Variants in LYRM2 observed in about 807,000 individuals in gnomAD.
LYRM2 encodes LYR motif containing 2.
A neutral mutation model predicts 11.6 loss-of-function variants in LYRM2; 8 were observed. The observed-to-expected ratio is 0.69, with a 90% CI of 0.40 to 1.24. LYRM2 has a LOEUF of 1.24. Ranked by LOEUF, LYRM2 falls within the 50% of genes most tolerant of loss-of-function variation. The pLI, the probability that LYRM2 is intolerant of heterozygous loss-of-function variation, is 0.01. For synonymous variants in LYRM2, 30 were observed against 36.4 expected (o/e 0.83, Z 0.63); for missense variants, 117 against 102.9 (o/e 1.14, Z -0.59).
rs1326028485 is a variant in LYRM2, at chr6:89,636,427, T to C, written c.*846A>G. 6.6e-6 allele frequency: 1 copy of C among 152,190 alleles called. No homozygotes were observed. The highest frequency in any genetic ancestry group is 1.5e-5 in the Non-Finnish European group (1 of 68,044). The allele number at this position is 152,190 out of a possible 1,614,324, so 9.4% of individuals were successfully genotyped here. Reference sequence around the variant, plus strand: ...TAACGTTTTCAAGGTTTATCCATGTTTAGTATATATAAGTCCTTCGTTTCT... The same window carrying C: ...TAACGTTTTCAAGGTTTATCCATGTCTAGTATATATAAGTCCTTCGTTTCT... On this transcript the variant is annotated 3_prime_UTR_variant, in exon 3 of 3. Transcript: ENST00000523377.
chr6:89,635,023 T>G lies in LYRM2; in HGVS notation c.*2250A>C, dbSNP rs1807953031. ...CCTCAGCCTCCCAAAGTGTGTGGAT[T>G]ACTTGTGTAAGCCACAGTGCCCGGC... is the stretch of plus-strand genomic sequence containing the variant. On this transcript the variant is annotated 3_prime_UTR_variant, in exon 3 of 3. Transcript: ENST00000523377. 1.3e-5 allele frequency: 2 copies of G among 151,196 alleles called. No homozygotes were observed. The allele number at this position is 151,196 out of a possible 1,614,324, so 9.4% of individuals were successfully genotyped here.
At chr6:89,638,510 G>A in intron 1 of LYRM2, 162 bp downstream of exon 1, 1 of 1,535,232 alleles carries the variant, frequency 6.5e-7, no homozygotes, top group Non-Finnish European at 8.8e-7. Context: ...CTCCCGTCAG[G>A]CCCCGCGGAG....
In LYRM2 at chr6:89,633,046, A is replaced by G. The variant is rs1400739828; in HGVS notation, c.*4227T>C. On this transcript the variant is annotated 3_prime_UTR_variant, in exon 3 of 3. Coordinates refer to ENST00000523377, the MANE Select transcript of LYRM2 (RefSeq NM_020466.5). ...GACCATAGAGTGCTTTGGTGGGAGTATTTTGATTACCTCCTACCCATCAGA... is the reference window on the plus strand; with the variant it reads ...GACCATAGAGTGCTTTGGTGGGAGTGTTTTGATTACCTCCTACCCATCAGA... The G allele has an allele frequency of 6.6e-6, 1 of 152,208 alleles. No individual in the cohort carries two copies. Among genetic ancestry groups the G allele is most frequent in the Non-Finnish European group, 1.5e-5 (1 of 68,030 alleles). The allele number at this position is 152,208 out of a possible 1,614,324, so 9.4% of individuals were successfully genotyped here. A position where few individuals can be genotyped will look rare whatever the true frequency, so the allele number is the denominator to read the frequency against.
Position 89,637,867 on chromosome 6 carries a change from G to T in LYRM2, c.61C>A (p.Gln21Lys). The change falls in exon 2 of 3, where the codon CAA (glutamine) becomes AAA (lysine). Residue 21 changes from glutamine to lysine, a missense_variant. Physicochemically the swap from Gln to Lys is moderately conservative, Grantham distance 53. Transcript: ENST00000523377. ...ATCCTTCTGTAGAGGAGAAGAACTTGTTGCCTTCTTACGAACTGTAAAAGG... is the reference window on the plus strand; with the variant it reads ...ATCCTTCTGTAGAGGAGAAGAACTTTTTGCCTTCTTACGAACTGTAAAAGG... ...LTLKQFVRRQ[Q>K]VLLLYRRILQ... 1 of 1,613,770 alleles carries T rather than the reference G, an allele frequency of 6.2e-7. No individual in the cohort carries two copies. Among genetic ancestry groups the T allele is most frequent in the Non-Finnish European group, 8.5e-7 (1 of 1,179,846 alleles).
In LYRM2 at chr6:89,636,517, A is replaced by ATCTT. The variant is rs1808008323; in HGVS notation, c.*752_*755dup. 1 of 152,164 alleles carries ATCTT rather than the reference A, an allele frequency of 6.6e-6. No homozygotes were observed. The highest frequency in any genetic ancestry group is 1.5e-5 in the Non-Finnish European group (1 of 68,048). 9.4% of individuals were successfully genotyped at this position (152,164 alleles called of 1,614,324 possible). ...TGCTAACTCATACAGCAGCTGTTTC[A>ATCTT]TCTTTTGAGGAACTGACCGTCTGTT... On this transcript the variant is annotated 3_prime_UTR_variant, in exon 3 of 3. Coordinates refer to ENST00000523377, the MANE Select transcript of LYRM2 (RefSeq NM_020466.5).
At chr6:89,638,588 C>T (rs1808087696) in intron 1 of LYRM2, 84 bp downstream of exon 1, 2 of 1,605,912 alleles carry the variant, frequency 1.2e-6, no homozygotes, top group Non-Finnish European at 1.7e-6. Context: ...GACCCCGGAA[C>T]CCGCCCCGTT....
At chr6:89,637,689 C>T (rs773644699) in intron 2 of LYRM2, 53 bp downstream of exon 2, 21 of 1,562,462 alleles carry the variant, frequency 1.3e-5, no homozygotes, top group Non-Finnish European at 1.7e-5. Flanking sequence ...AAAAAAAATT[C>T]ACTGATCAAT....
In LYRM2 at chr6:89,632,515, C is replaced by G. The variant is rs778704353; in HGVS notation, c.*4758G>C. 1 of 152,144 alleles carries G rather than the reference C, an allele frequency of 6.6e-6. No individual in the cohort carries two copies. Among genetic ancestry groups the G allele is most frequent in the Non-Finnish European group, 1.5e-5 (1 of 68,050 alleles). 9.4% of individuals were successfully genotyped at this position (152,144 alleles called of 1,614,324 possible). A position where few individuals can be genotyped will look rare whatever the true frequency, so the allele number is the denominator to read the frequency against. On this transcript the variant is annotated 3_prime_UTR_variant, in exon 3 of 3. Transcript: ENST00000523377. ...CTCACTGCAGCCTTGGCCTCTCAGG[C>G]TCGTGATCCTCCTGCCTCAACCTCG... is the stretch of plus-strand genomic sequence containing the variant.
rs1315419624 is a variant in LYRM2, at chr6:89,635,868, A to T, written c.*1405T>A. On this transcript the variant is annotated 3_prime_UTR_variant, in exon 3 of 3. Transcript: ENST00000523377. ...TTTTACTACTTCCATGTGAATGTTA[A>T]GGTACTCACAGAGGTTTCATCCAGA... is the stretch of plus-strand genomic sequence containing the variant. The T allele has an allele frequency of 1.3e-5, 2 of 152,614 alleles. No individual in the cohort carries two copies. The highest frequency in any genetic ancestry group is 4.8e-5 in the African/African-American group (2 of 41,448). 9.5% of individuals were successfully genotyped at this position (152,614 alleles called of 1,614,324 possible).
In LYRM2 at chr6:89,633,034, T is replaced by C. The variant is rs912752934; in HGVS notation, c.*4239A>G. On this transcript the variant is annotated 3_prime_UTR_variant, in exon 3 of 3. Coordinates refer to ENST00000523377, the MANE Select transcript of LYRM2 (RefSeq NM_020466.5). ...GTATCAAGTCTAGACCATAGAGTGC[T>C]TTGGTGGGAGTATTTTGATTACCTC... 5 of 152,234 alleles carry C rather than the reference T, an allele frequency of 3.3e-5. No homozygotes were observed. Among genetic ancestry groups the C allele is most frequent in the Admixed American group, 2.0e-4 (3 of 15,280 alleles). 9.4% of individuals were successfully genotyped at this position (152,234 alleles called of 1,614,324 possible).
At position 89,637,750 on chromosome 6, in the gene LYRM2, T is replaced by A; in HGVS notation, c.178A>T (p.Thr60Ser). 6.2e-7 allele frequency: 1 copy of A among 1,614,022 alleles called. No individual in the cohort carries two copies. The highest frequency in any genetic ancestry group is 8.5e-7 in the Non-Finnish European group (1 of 1,179,910). ...CATGATTTTGTTCTCACCTCTTCGG[T>A]GGCACTTTTGTTTCTTCTGAATTCT... ...REEFRRNKSA[T>S]EEDTIRMMIT... The change falls in exon 2 of 3, where the codon ACC becomes TCC. Residue 60 changes from threonine (T) to serine (S), a missense_variant. By Grantham distance (58) the Thr-to-Ser change is moderately conservative. Coordinates refer to ENST00000523377, the MANE Select transcript of LYRM2 (RefSeq NM_020466.5).
chr6:89,638,678 T>A lies in LYRM2; in HGVS notation c.39A>T (p.Leu13Phe), dbSNP rs746334154. The A allele has an allele frequency of 6.2e-7, 1 of 1,614,116 alleles. No individual in the cohort carries two copies. Among genetic ancestry groups the A allele is most frequent in the South Asian group, 1.1e-5 (1 of 91,086 alleles). ...ASRLPPATLT[L>F]KQFVRRQQVL... ...GGCAGAGAACCGCCGGTACCTGCTTTAACGTTAGCGTCGCTGGGGGTAAGC... is the reference window on the plus strand; with the variant it reads ...GGCAGAGAACCGCCGGTACCTGCTTAAACGTTAGCGTCGCTGGGGGTAAGC... The change falls in exon 1 of 3, where the codon TTA becomes TTT. Residue 13 changes from leucine (L) to phenylalanine (F), a missense_variant. By Grantham distance (22) the Leu-to-Phe change is conservative (BLOSUM62 0). Transcript: ENST00000523377.
intron 1 of LYRM2, 49 bp from the exon 2 acceptor site, chr6:89,637,931 C>A: frequency 6.5e-7 from 1 of 1,536,576 alleles, no homozygotes; most frequent in Non-Finnish European, 8.9e-7. Context: ...AATCGCCAGC[C>A]TGGAAAGTTC....
chr6:89,638,180 T>C (rs1808068726), intron 1 of LYRM2: 1 of 736,408 alleles, frequency 1.4e-6, no homozygotes, highest in African/African-American at 1.8e-5. Flanking sequence ...CTCAAAAAGA[T>C]GTTTTAAAGA....
At position 89,636,698 on chromosome 6, in the gene LYRM2, T is replaced by TA. The variant is rs1554276516; in HGVS notation, c.*574dup. 8 of 151,264 alleles carry TA rather than the reference T, an allele frequency of 5.3e-5. No individual in the cohort carries two copies. Among genetic ancestry groups the TA allele is most frequent in the South Asian group, 4.2e-4 (2 of 4,772 alleles). 9.4% of individuals were successfully genotyped at this position (151,264 alleles called of 1,614,324 possible). ...CAGGGTTGTTTTTTTTTTTTTTTTT[T>TA]AGAGACTGTCTCACTCTGTCACCCA... is the stretch of plus-strand genomic sequence containing the variant. On this transcript the variant is annotated 3_prime_UTR_variant, in exon 3 of 3. Transcript: ENST00000523377.
chr6:89,635,166 TAGGA>T lies in LYRM2; in HGVS notation c.*2103_*2106del, dbSNP rs1807962160. 6.6e-6 allele frequency: 1 copy of T among 152,192 alleles called. No homozygotes were observed. The allele number at this position is 152,192 out of a possible 1,614,324, so 9.4% of individuals were successfully genotyped here. A position where few individuals can be genotyped will look rare whatever the true frequency, so the allele number is the denominator to read the frequency against. ...AAAACCTTTCCATGCACACCACTGT[TAGGA>T]AGAGCATCATTAAATCACTGACTTC... On this transcript the variant is annotated 3_prime_UTR_variant, in exon 3 of 3. Transcript: ENST00000523377.
rs1212309824 is a variant in LYRM2, at chr6:89,636,007, TATCA to T, written c.*1262_*1265del. The stretch of plus-strand genomic sequence containing the variant: ...GTGGTGATCTTTTTGATGAGTTCTC[TATCA>T]AACTATGACACATCTGAAGAACGTA... On this transcript the variant is annotated 3_prime_UTR_variant, in exon 3 of 3. Coordinates refer to ENST00000523377, the MANE Select transcript of LYRM2 (RefSeq NM_020466.5). 5.8e-6 allele frequency: 1 copy of T among 173,126 alleles called. No individual in the cohort carries two copies. Among genetic ancestry groups the T allele is most frequent in the Non-Finnish European group, 1.3e-5 (1 of 77,726 alleles). 10.7% of individuals were successfully genotyped at this position (173,126 alleles called of 1,614,324 possible).
rs556799030 is a variant in LYRM2 at position 89,634,018 on chromosome 6, A to G, written c.*3255T>C. The G allele has an allele frequency of 6.6e-6, 1 of 152,370 alleles. No individual in the cohort carries two copies. The highest frequency in any genetic ancestry group is 2.4e-5 in the African/African-American group (1 of 41,584). The allele number at this position is 152,370 out of a possible 1,614,324, so 9.4% of individuals were successfully genotyped here. On this transcript the variant is annotated 3_prime_UTR_variant, in exon 3 of 3. Transcript: ENST00000523377. ...AAAACAAAACTGCTGAAATGTGGCA[A>G]GGTTTCTCAGTGCAAGCTTAAATGT...
rs1032894081 is a variant in LYRM2 at position 89,632,831 on chromosome 6, A to C, written c.*4442T>G. 1 of 152,220 alleles carries C rather than the reference A, an allele frequency of 6.6e-6. No homozygotes were observed. Among genetic ancestry groups the C allele is most frequent in the African/African-American group, 2.4e-5 (1 of 41,454 alleles). The allele number at this position is 152,220 out of a possible 1,614,324, so 9.4% of individuals were successfully genotyped here. ...ATCTATTCTCAAACAGGATATCACT[A>C]ACCTCTTTAGAATCATTCCTCAGTA... On this transcript the variant is annotated 3_prime_UTR_variant, in exon 3 of 3. Coordinates refer to ENST00000523377, the MANE Select transcript of LYRM2 (RefSeq NM_020466.5).
Sources: allele counts gnomAD v4.1 joint callset, GRCh38; gene constraint gnomAD v4.1.1; transcripts MANE v1.5; gene names NCBI Gene and HGNC (gene_info 2026-07-23, HGNC 2026-07-21).